Variants in C16orf96 observed in about 807,000 individuals in gnomAD.
C16orf96 encodes chromosome 16 open reading frame 96, also known as uncharacterized protein C16orf96.
A neutral mutation model predicts 103.6 loss-of-function variants in C16orf96; 108 were observed. That is an observed-to-expected ratio of 1.04 (90% confidence interval 0.89 to 1.22). The LOEUF (loss-of-function observed/expected upper bound fraction) is 1.22, where lower values mean the gene tolerates loss of function less well. Among genes scored for constraint, C16orf96 ranks in the 50% most tolerant of loss-of-function variants. The pLI is 0.00. For synonymous variants in C16orf96, 566 were observed against 593.5 expected (o/e 0.95, Z 0.67); for missense variants, 1,586 against 1,464.2 (o/e 1.08, Z -1.36).
intron 5 of C16orf96, among the ~76,000 whole-genome samples, chr16:4,577,998 T>C (rs1237753131): frequency 6.6e-6 from 1 of 151,928 alleles, no homozygotes; most frequent in Non-Finnish European, 1.5e-5. Flanking sequence ...TAGTCCCAAC[T>C]ACTCAGGAGG....
intron 1 of C16orf96, among the ~76,000 whole-genome samples, chr16:4,569,972 A>G (rs1404634758): frequency 6.6e-6 from 1 of 152,154 alleles, no homozygotes; most frequent in Non-Finnish European, 1.5e-5. Flanking sequence ...CCAGTAGATA[A>G]GACATCACGC....
At chr16:4,582,637 A>G (rs1404609403) in intron 7 of C16orf96, among the ~76,000 whole-genome samples, 1 of 152,138 alleles carries the variant, frequency 6.6e-6, no homozygotes, top group Non-Finnish European at 1.5e-5. Flanking sequence ...ACCACTGGCC[A>G]GGAACCAGGT....
At chr16:4,591,283 C>G (rs891819394) in intron 9 of C16orf96, among the ~76,000 whole-genome samples, 1 of 152,200 alleles carries the variant, frequency 6.6e-6, no homozygotes, top group African/African-American at 2.4e-5. Context: ...TAAACCTGCC[C>G]ACTTTACATA....
At chr16:4,587,789 A>C (rs1339010598) in intron 8 of C16orf96, among the ~76,000 whole-genome samples, 1 of 151,990 alleles carries the variant, frequency 6.6e-6, no homozygotes, top group Non-Finnish European at 1.5e-5. Context: ...TAAAAAAATG[A>C]ACTGGGCATG....
chr16:4,599,641 A>G (rs1363275617), intron 15 of C16orf96, among the ~76,000 whole-genome samples: 1 of 152,218 alleles, frequency 6.6e-6, no homozygotes, highest in Admixed American at 6.5e-5. Context: ...TCTGGTTCGG[A>G]TCACCACGTA....
intron 5 of C16orf96, 91 bp from the exon 6 acceptor site, chr16:4,578,849 T>G: frequency 6.5e-6 from 6 of 919,322 alleles, no homozygotes; most frequent in Non-Finnish European, 1.0e-5. Flanking sequence ...CAGTGCTGCC[T>G]GAGATGCTCC....
Position 4,576,473 on chromosome 16 carries a change from C to G in C16orf96, c.1993C>G (p.Gln665Glu), listed in dbSNP as rs1444635286. The G allele has an allele frequency of 6.4e-7, 1 of 1,551,480 alleles. No homozygotes were observed. ...CATCGGTCCCGATCCAGCCCTGTCC[C>G]AGGCCATGGTGGCTACCAAGCAGGC... ...ASIGPDPALSQAMVATKQAMS... is the reference protein window; with the variant it reads ...ASIGPDPALSEAMVATKQAMS... Residue 665 changes from glutamine (Q) to glutamate (E), a missense_variant, in exon 5 of 16, where the codon CAG becomes GAG. By Grantham distance (29) the Gln-to-Glu change is conservative. Transcript: ENST00000444310.
At chr16:4,563,251 C>G (rs1040294428) in intron 1 of C16orf96, 9 of 450,286 alleles carry the variant, frequency 2.0e-5, no homozygotes, top group South Asian at 1.8e-4. Context: ...ATGACTGACT[C>G]GTTTGTTTTT....
chr16:4,556,525 C>A lies in C16orf96; in HGVS notation c.36C>A (p.Asn12Lys). 1.3e-6 allele frequency: 2 copies of A among 1,540,836 alleles called. No individual in the cohort carries two copies. Among genetic ancestry groups the A allele is most frequent in the South Asian group, 1.2e-5 (1 of 83,682 alleles). The stretch of plus-strand genomic sequence containing the variant: ...CACTCACGTTCACCGAGCTGGCCAA[C>A]ATCGCCATCCCACAGTGCGGGGTGC... ...SFSLTFTELA[N>K]IAIPQCGVLN... The change falls in exon 1 of 16, where the codon AAC becomes AAA. Residue 12 changes from asparagine to lysine, a missense_variant. Asn to Lys is a moderately conservative substitution (Grantham distance 94). Transcript: ENST00000444310.
intron 1 of C16orf96, among the ~76,000 whole-genome samples, chr16:4,561,882 G>A (rs1184182571): frequency 4.6e-5 from 7 of 152,068 alleles, no homozygotes; most frequent in Admixed American, 3.9e-4. Flanking sequence ...TTCAGGCCTC[G>A]GTTTTTCTCC....
At position 4,600,228 on chromosome 16, in the gene C16orf96, C is replaced by G. The variant is rs904907505; in HGVS notation, c.3337C>G (p.Gln1113Glu). The change falls in exon 16 of 16, where the codon CAG (glutamine) becomes GAG (glutamate). Residue 1113 changes from glutamine to glutamate, a missense_variant. Physicochemically the swap from Gln to Glu is conservative, Grantham distance 29 (BLOSUM62 2). Coordinates refer to ENST00000444310, the MANE Select transcript of C16orf96 (RefSeq NM_001145011.2). ...PLIPSLRDPQ[Q>E]APGSTRLSRA... ...GATTCCATCCCTAAGGGACCCCCAG[C>G]AGGCCCCAGGGTCCACCAGGCTCTC... 6.4e-7 allele frequency: 1 copy of G among 1,551,596 alleles called. No homozygotes were observed. The highest frequency in any genetic ancestry group is 1.4e-5 in the African/African-American group (1 of 73,138).
At chr16:4,546,605 C>T in the C16orf96 span, among the ~76,000 whole-genome samples, 1 of 151,948 alleles carries the variant, frequency 6.6e-6, no homozygotes, top group South Asian at 2.1e-4. Context: ...GCTAGGACTA[C>T]AGGCATGTGC....
chr16:4,538,605 T>A, the C16orf96 span: 1 of 152,142 alleles, frequency 6.6e-6, no homozygotes, highest in African/African-American at 2.4e-5. Context: ...CGGTCCGAGG[T>A]CACGCCCCGA....
the C16orf96 span, among the ~76,000 whole-genome samples, chr16:4,540,616 A>G: frequency 6.6e-6 from 1 of 151,968 alleles, no homozygotes; most frequent in East Asian, 2.0e-4. Flanking sequence ...AATCCCAGCT[A>G]TTCGGGAGGC....
chr16:4,568,629 A>ATTT (rs34974380), intron 1 of C16orf96, among the ~76,000 whole-genome samples: 74 of 125,556 alleles, frequency 5.9e-4, no homozygotes, highest in Admixed American at 1.1e-3. Context: ...TTTCTTTTTA[A>ATTT]TTTTTTTTTT....
chr16:4,546,423 G>A, the C16orf96 span, among the ~76,000 whole-genome samples: 1 of 149,066 alleles, frequency 6.7e-6, no homozygotes, highest in African/African-American at 2.5e-5. Context: ...CTCCCAGAGT[G>A]CTGCGATTAC....
upstream of C16orf96, among the ~76,000 whole-genome samples, chr16:4,551,752 A>G (rs1009500163): frequency 1.3e-5 from 2 of 151,914 alleles, no homozygotes; most frequent in Non-Finnish European, 2.9e-5. Flanking sequence ...GCGCCTGGCC[A>G]TTTGTTTCTT....
At chr16:4,594,642 C>T in intron 13 of C16orf96, 62 bp from the exon 14 acceptor site, 2 of 1,544,118 alleles carry the variant, frequency 1.3e-6, no homozygotes, top group South Asian at 2.4e-5. Context: ...TCTGCGTGTA[C>T]CAAAGTTCGG....
rs751320483 is a variant in C16orf96 at position 4,575,363 on chromosome 16, G to GC, written c.886dup (p.Gln296ProfsTer20). ...AGAGCTCCTCCCGGAGGGCTCATCT[G>GC]CCCAAGCAGTTTCACTCAGCAGAGC... is the stretch of plus-strand genomic sequence containing the variant. On this transcript the variant is annotated frameshift_variant, in exon 5 of 16. Coordinates refer to ENST00000444310, the MANE Select transcript of C16orf96 (RefSeq NM_001145011.2). LOFTEE classifies it high-confidence loss of function. 22 of 1,551,018 alleles carry GC rather than the reference G, an allele frequency of 1.4e-5. 1 individual carries two copies. In the South Asian group the frequency reaches 2.6e-4, roughly 18 times the overall value.
Sources: gnomAD v4.1 joint callset for allele counts (sites outside exome capture counted in the v4.1 genomes callset) on GRCh38, gnomAD v4.1.1 for gene constraint, MANE v1.5 for transcripts, NCBI Gene and HGNC (gene_info 2026-07-23, HGNC 2026-07-21) for gene names.